GAB3: variants seen among roughly 807,000 people sequenced by gnomAD.
The protein encoded by GAB3 is GRB2 associated binding protein 3.
A neutral mutation model predicts 40.4 loss-of-function variants in GAB3; 12 were observed. That is an observed-to-expected ratio of 0.30 (90% CI 0.19 to 0.48). GAB3 has a LOEUF of 0.48. GAB3 is among the 20% of genes least tolerant of loss of function. GAB3 has a pLI of 0.99. For synonymous variants in GAB3, 154 were observed against 176.7 expected (o/e 0.87, Z 1.02); for missense variants, 381 against 461.9 (o/e 0.82, Z 1.61).
intron 1 of GAB3, among the ~76,000 whole-genome samples, chrX:154,726,149 A>T (rs782152353): frequency 8.9e-6 from 1 of 112,320 alleles, no homozygotes; most frequent in Non-Finnish European, 1.9e-5. Context: ...GAGATGATAG[A>T]ATAAGCAGAC....
At chrX:154,740,890 C>T (rs1444365850) in intron 1 of GAB3, among the ~76,000 whole-genome samples, 1 of 112,200 alleles carries the variant, frequency 8.9e-6, no homozygotes, top group African/African-American at 3.2e-5. Context: ...TGGTGGAGGA[C>T]CGTCCTGTGC....
chrX:154,701,864 T>C (rs781818159), intron 4 of GAB3, among the ~76,000 whole-genome samples: 13 of 110,704 alleles, frequency 1.2e-4, no homozygotes, highest in Non-Finnish European at 2.5e-4. Context: ...AATTGAAGAG[T>C]ACACCAAAAA....
At chrX:154,745,956 G>C (rs1303415584) in intron 1 of GAB3, among the ~76,000 whole-genome samples, 2 of 108,696 alleles carry the variant, frequency 1.8e-5, no homozygotes, top group Non-Finnish European at 3.8e-5. Context: ...GGAGGCTGAA[G>C]CTGGAGAATC....
At chrX:154,689,116 C>T (rs1372089609) in intron 8 of GAB3, among the ~76,000 whole-genome samples, 1 of 111,371 alleles carries the variant, frequency 9.0e-6, no homozygotes, top group Non-Finnish European at 1.9e-5. Flanking sequence ...TCAATATACG[C>T]AAATCAGTAA....
chrX:154,705,949 A>G (rs6643693), intron 4 of GAB3, among the ~76,000 whole-genome samples: 2 of 111,990 alleles, frequency 1.8e-5, no homozygotes, highest in African/African-American at 6.5e-5. Context: ...TCAAACAATG[A>G]GCTAGCTGAA....
In GAB3 at chrX:154,736,227, C is replaced by T. The variant is rs782744460; in HGVS notation, c.72+14727G>A. On this transcript the variant is annotated intron_variant, in intron 1 of 9. Transcript: ENST00000424127. ...CTTCATCCTCACAACAAACCCATGA[C>T]GCAGGACATTAGTCAACCTTGACAA... is the stretch of plus-strand genomic sequence containing the variant. 2.0e-4 allele frequency among the ~76,000 whole-genome samples: 23 copies of T among 112,565 alleles called. No homozygotes were observed. In the South Asian group the frequency reaches 8.0e-3, roughly 39 times the overall value.
intron 8 of GAB3, among the ~76,000 whole-genome samples, chrX:154,688,580 C>G (rs1370552436): frequency 9.0e-6 from 1 of 110,875 alleles, no homozygotes; most frequent in Non-Finnish European, 1.9e-5. Flanking sequence ...ATGGCTGGCC[C>G]CTTTGGAGGA....
Position 154,713,742 on chromosome X carries a change from CATATATATATATATATATATATAT to C in GAB3, c.377-340_377-317del, listed in dbSNP as rs59885867. Among the ~76,000 whole-genome samples, 65 of 19,656 alleles carry C rather than the reference CATATATATATATATATATATATAT, an allele frequency of 3.3e-3. No homozygotes were observed. The East Asian group carries it at 0.042, about 13-fold the overall frequency. 17.1% of individuals were successfully genotyped at this position (19,656 alleles called of 115,157 possible). A position where few individuals can be genotyped will look rare whatever the true frequency, so the allele number is the denominator to read the frequency against. On this transcript the variant is annotated intron_variant, in intron 2 of 9. Transcript: ENST00000424127. ...ATTGTTTTTTCACTCAACTAACAAA[CATATATATATATATATATATATAT>C]ATATATATATATATATATATGCATA...
At chrX:154,686,970 A>T (rs2070459720) in intron 8 of GAB3, among the ~76,000 whole-genome samples, 1 of 110,449 alleles carries the variant, frequency 9.1e-6, no homozygotes, top group African/African-American at 3.3e-5. Flanking sequence ...CAGACGGATC[A>T]CTTGAGGTCG....
At chrX:154,690,619 A>T (rs1321107698) in intron 8 of GAB3, among the ~76,000 whole-genome samples, 4 of 112,457 alleles carry the variant, frequency 3.6e-5, no homozygotes, top group Non-Finnish European at 7.5e-5. Flanking sequence ...ACATGAACAG[A>T]CACTTCGCAA....
intron 7 of GAB3, among the ~76,000 whole-genome samples, chrX:154,696,298 CAAAAAAAAAA>C (rs35105330): frequency 1.5e-4 from 6 of 40,144 alleles, no homozygotes; most frequent in Non-Finnish European, 9.1e-5. Flanking sequence ...TATCATTTAG[CAAAAAAAAAA>C]AAAAAAAAAA....
At chrX:154,707,293 A>C (rs2070826827) in intron 4 of GAB3, among the ~76,000 whole-genome samples, 1 of 112,083 alleles carries the variant, frequency 8.9e-6, no homozygotes, top group African/African-American at 3.2e-5. Flanking sequence ...CACTAAAAAA[A>C]TTATCCAGTG....
At chrX:154,678,510 G>A (rs2070328765) in intron 9 of GAB3, among the ~76,000 whole-genome samples, 1 of 112,131 alleles carries the variant, frequency 8.9e-6, no homozygotes, top group Non-Finnish European at 1.9e-5. Context: ...TATAATGTAA[G>A]TGGAAGTGAC....
At chrX:154,733,151 T>C (rs1424373271) in intron 1 of GAB3, among the ~76,000 whole-genome samples, 5 of 112,293 alleles carry the variant, frequency 4.5e-5, no homozygotes, top group African/African-American at 1.6e-4. Context: ...CATGTGCAAG[T>C]TAGGGTTCAG....
chrX:154,680,711 CT>C (rs1185841733), intron 8 of GAB3, among the ~76,000 whole-genome samples: 2 of 112,344 alleles, frequency 1.8e-5, no homozygotes, highest in Non-Finnish European at 3.8e-5. Flanking sequence ...GCTGTTTCCC[CT>C]GTACCATCTT....
rs781833483 is a variant in GAB3, at chrX:154,732,420, G to A, written c.73-16091C>T. ...CCCAACAGTGCCTGGTGCCTAACAG[G>A]GACTCAGTAAATCTTGTTGAATTAA... On this transcript the variant is annotated intron_variant, in intron 1 of 9. Coordinates refer to ENST00000424127, the MANE Select transcript of GAB3 (RefSeq NM_001081573.3). 2.7e-5 allele frequency among the ~76,000 whole-genome samples: 3 copies of A among 111,176 alleles called. No homozygotes were observed. In the Admixed American group the frequency reaches 2.9e-4, roughly 11 times the overall value.
upstream of GAB3, chrX:154,751,414 G>T: frequency 2.3e-6 from 1 of 425,582 alleles, no homozygotes; most frequent in Non-Finnish European, 2.9e-6. Context: ...TTGCCCTCAT[G>T]CCCCATCCCC....
chrX:154,712,100 C>A, intron 4 of GAB3, 129 bp downstream of exon 4: 1 of 475,402 alleles, frequency 2.1e-6, no homozygotes, highest in South Asian at 3.3e-5. Context: ...TTTTACCAAG[C>A]TGCACACATC....
intron 1 of GAB3, among the ~76,000 whole-genome samples, chrX:154,737,337 G>A (rs1236263693): frequency 6.3e-5 from 7 of 111,521 alleles, no homozygotes; most frequent in Non-Finnish European, 1.3e-4. Context: ...GTTATCCATC[G>A]CCTCTAATGG....
Sources: allele counts gnomAD v4.1 joint callset (sites outside exome capture counted in the v4.1 genomes callset), GRCh38; gene constraint gnomAD v4.1.1; transcripts MANE v1.5; gene names NCBI Gene and HGNC (gene_info 2026-07-23, HGNC 2026-07-21).